FSTL4: variants seen among roughly 807,000 people sequenced by gnomAD.
The protein encoded by FSTL4 is follistatin-related protein 4.
A neutral mutation model predicts 78.2 loss-of-function variants in FSTL4; 28 were observed. The ratio of observed to expected loss-of-function variants is 0.36; its 90% CI spans 0.27 to 0.49. FSTL4 has a LOEUF of 0.49. Among genes scored for constraint, FSTL4 ranks in the 20% least tolerant of loss-of-function variants. The pLI, the probability that FSTL4 is intolerant of heterozygous loss-of-function variation, is 0.98. For synonymous variants in FSTL4, 422 were observed against 440.5 expected (o/e 0.96, Z 0.53); for missense variants, 922 against 1,084.9 (o/e 0.85, Z 2.11).
the FSTL4 span, among the ~76,000 whole-genome samples, chr5:133,797,702 T>C: frequency 6.6e-6 from 1 of 152,158 alleles, no homozygotes; most frequent in Non-Finnish European, 1.5e-5. Context: ...GTCTTCTCAG[T>C]TCTCCGTAGG....
intron 3 of FSTL4, among the ~76,000 whole-genome samples, chr5:133,563,162 C>T (rs1195877513): frequency 6.6e-6 from 1 of 152,172 alleles, no homozygotes; most frequent in Non-Finnish European, 1.5e-5. Context: ...GCTCTGTCTC[C>T]CTTGGGGAGG....
At chr5:133,650,782 T>C in the FSTL4 span, among the ~76,000 whole-genome samples, 10 of 152,304 alleles carry the variant, frequency 6.6e-5, no homozygotes, top group African/African-American at 2.2e-4. Flanking sequence ...CTTTTGCCCC[T>C]CCATATAAAC....
chr5:133,229,945 G>C (rs562256537), intron 8 of FSTL4, among the ~76,000 whole-genome samples: 4 of 152,326 alleles, frequency 2.6e-5, no homozygotes, highest in African/African-American at 9.6e-5. Context: ...AGCTTTGGGA[G>C]CACAGGGACA....
chr5:133,429,728 A>G (rs1179256154), intron 3 of FSTL4, among the ~76,000 whole-genome samples: 2 of 149,422 alleles, frequency 1.3e-5, no homozygotes, highest in East Asian at 3.9e-4. Flanking sequence ...GTTGTCTACA[A>G]GAAGAACAGA....
At chr5:133,413,442 C>T (rs999578032) in intron 3 of FSTL4, among the ~76,000 whole-genome samples, 3 of 152,076 alleles carry the variant, frequency 2.0e-5, no homozygotes, top group Admixed American at 1.3e-4. Context: ...TATAGGTAAT[C>T]CATTTTTGAT....
chr5:133,740,518 A>G, the FSTL4 span, among the ~76,000 whole-genome samples: 1 of 152,160 alleles, frequency 6.6e-6, no homozygotes, highest in South Asian at 2.1e-4. Flanking sequence ...TAATGCAGTT[A>G]GGGGATACAG....
At chr5:133,795,490 C>T in the FSTL4 span, among the ~76,000 whole-genome samples, 124 of 152,280 alleles carry the variant, frequency 8.1e-4, no homozygotes, top group Middle Eastern at 6.8e-3. Context: ...CAAAAGGGAT[C>T]TGTGATCAAA....
intron 3 of FSTL4, among the ~76,000 whole-genome samples, chr5:133,508,047 T>C (rs1227676413): frequency 6.6e-6 from 1 of 152,116 alleles, no homozygotes; most frequent in Non-Finnish European, 1.5e-5. Context: ...GGAACAGCAA[T>C]GAATTTTTCT....
intron 4 of FSTL4, among the ~76,000 whole-genome samples, chr5:133,347,625 C>T (rs1384576256): frequency 6.6e-6 from 1 of 152,180 alleles, no homozygotes; most frequent in Non-Finnish European, 1.5e-5. Context: ...TTCCAAAGTG[C>T]TGCGATTATA....
intron 3 of FSTL4, among the ~76,000 whole-genome samples, chr5:133,511,222 G>A (rs1321193460): frequency 4.6e-5 from 7 of 152,136 alleles, no homozygotes; most frequent in African/African-American, 1.7e-4. Flanking sequence ...CCATGGGCCT[G>A]GGTCCCTGGT....
intron 6 of FSTL4, among the ~76,000 whole-genome samples, chr5:133,304,132 A>G (rs914730307): frequency 1.3e-5 from 2 of 152,264 alleles, no homozygotes; most frequent in African/African-American, 4.8e-5. Context: ...TTCAGTGCTT[A>G]ATTGCACATT....
At chr5:133,705,579 C>A in the FSTL4 span, among the ~76,000 whole-genome samples, 1 of 152,126 alleles carries the variant, frequency 6.6e-6, no homozygotes, top group African/African-American at 2.4e-5. Flanking sequence ...AACCACAAGA[C>A]CCAGGATCAC....
At chr5:133,494,664 G>T (rs934008457) in intron 3 of FSTL4, among the ~76,000 whole-genome samples, 1 of 152,188 alleles carries the variant, frequency 6.6e-6, no homozygotes, top group Non-Finnish European at 1.5e-5. Flanking sequence ...ATTCCATGGG[G>T]CTAAACTGTA....
intron 4 of FSTL4, among the ~76,000 whole-genome samples, chr5:133,331,797 G>T (rs945180013): frequency 3.3e-5 from 5 of 152,174 alleles, no homozygotes; most frequent in African/African-American, 1.2e-4. Context: ...CATTTCGGGA[G>T]ATCTTTGGAG....
chr5:133,835,863 G>A, the FSTL4 span, among the ~76,000 whole-genome samples: 3 of 152,022 alleles, frequency 2.0e-5, no homozygotes, highest in African/African-American at 7.2e-5. Context: ...AACAATTTTT[G>A]CTTTCTATAT....
chr5:133,312,528 C>A, intron 6 of FSTL4, 126 bp downstream of exon 6: 3 of 774,242 alleles, frequency 3.9e-6, no homozygotes, highest in Non-Finnish European at 6.5e-6. Flanking sequence ...AACAAATTCA[C>A]CAGCTTTCCT....
At chr5:133,622,870 A>C in the FSTL4 span, among the ~76,000 whole-genome samples, 1 of 152,122 alleles carries the variant, frequency 6.6e-6, no homozygotes, top group Admixed American at 6.6e-5. Context: ...CCAATCACTT[A>C]ACGGGTCTTC....
Position 133,199,012 on chromosome 5 carries a change from TA to T in FSTL4, c.*82del. On this transcript the variant is annotated 3_prime_UTR_variant, in exon 16 of 16. Transcript: ENST00000265342. This position sits in a 1 kb window ranked among gnomAD's most constrained non-coding sequence, Gnocchi z 4.4. ...GAGTACAGGTTTTTGCTTTTGTCTG[TA>T]AAAATGTACAGCGTACCTGCTTGAG... 1.1e-6 allele frequency: 1 copy of T among 875,616 alleles called. No individual in the cohort carries two copies. The highest frequency in any genetic ancestry group is 1.7e-6 in the Non-Finnish European group (1 of 585,810). The allele number at this position is 875,616 out of a possible 1,614,324, so 54.2% of individuals were successfully genotyped here.
intron 4 of FSTL4, among the ~76,000 whole-genome samples, chr5:133,321,466 G>T (rs928458916): frequency 6.6e-6 from 1 of 152,238 alleles, no homozygotes; most frequent in African/African-American, 2.4e-5. Flanking sequence ...TCGGAGGGAA[G>T]GTCCCTGGGG....
Sources: gnomAD v4.1 joint callset for allele counts (sites outside exome capture counted in the v4.1 genomes callset) on GRCh38, gnomAD v4.1.1 for gene constraint, Gnocchi (gnomAD v3.1) non-coding constraint, MANE v1.5 for transcripts, NCBI Gene and HGNC (gene_info 2026-07-23, HGNC 2026-07-21) for gene names.